Variants in UBXN4 observed in about 807,000 individuals in gnomAD.
The protein encoded by UBXN4 is UBX domain-containing protein 4.
In UBXN4, 35 loss-of-function variants were observed where a neutral mutation model predicts 66.2. That is an observed-to-expected ratio of 0.53 (90% CI 0.40 to 0.70). The LOEUF (loss-of-function observed/expected upper bound fraction) is 0.70. UBXN4 is among the 30% of genes least tolerant of loss of function. The pLI, the probability that UBXN4 is intolerant of heterozygous loss-of-function variation, is 0.00. For missense variants in UBXN4, 533 were observed against 599.8 expected, an observed-to-expected ratio of 0.89 and a Z score of 1.16; for synonymous variants, 203 against 204.5, an observed-to-expected ratio of 0.99 and a Z score of 0.06.
Position 135,780,246 on chromosome 2 carries a change from A to G in UBXN4, c.1249A>G (p.Thr417Ala). The G allele has an allele frequency of 6.2e-7, 1 of 1,614,160 alleles. No individual in the cohort carries two copies. The highest frequency in any genetic ancestry group is 1.1e-5 in the South Asian group (1 of 91,084). ...CGGAGACATTTGGACCTTGTTGGGA[A>G]CAGTGCTTTATCCATTCCTTGCCAT... is the stretch of plus-strand genomic sequence containing the variant. ...SSGDIWTLLG[T>A]VLYPFLAIWR... is the part of the protein sequence containing the mutation. Residue 417 changes from threonine to alanine, a missense_variant, in exon 12 of 13, where the codon ACA (threonine) becomes GCA (alanine). Thr to Ala is a moderately conservative substitution (Grantham distance 58). This residue lies in a region of UBXN4 where 529 missense variants were observed against 580.1 expected (regional missense o/e 0.91). Transcript: ENST00000272638.
intron 2 of UBXN4, among the ~76,000 whole-genome samples, chr2:135,748,663 T>A (rs942498707): frequency 2.7e-5 from 4 of 150,918 alleles, no homozygotes; most frequent in Middle Eastern, 3.4e-3. Flanking sequence ...AGACTGGGGC[T>A]ACAGTGAGCT....
At chr2:135,755,438 A>G (rs766177604) in intron 4 of UBXN4, 79 bp from the exon 5 acceptor site, 1 of 1,120,366 alleles carries the variant, frequency 8.9e-7, no homozygotes, top group Non-Finnish European at 1.2e-6. Flanking sequence ...GTATAAATCA[A>G]CCTGTATTTT....
chr2:135,770,682 G>C lies in UBXN4; in HGVS notation c.769G>C (p.Glu257Gln). The change falls in exon 8 of 13, where the codon GAG (glutamate) becomes CAG (glutamine). Residue 257 changes from glutamate (E) to glutamine (Q), a missense_variant. Glu to Gln is a conservative substitution (Grantham distance 29). Around this residue, in one of 2 missense-constraint regions of UBXN4, gnomAD observed 529 missense variants for 580.1 expected, o/e 0.91. Coordinates refer to ENST00000272638, the MANE Select transcript of UBXN4 (RefSeq NM_014607.4). ...AAGAATGCTGGAGGAAAGAAACAGAGAGAAAGCAGAAGATAGGGCAGCTCG... is the reference window on the plus strand; with the variant it reads ...AAGAATGCTGGAGGAAAGAAACAGACAGAAAGCAGAAGATAGGGCAGCTCG... ...TKRMLEERNR[E>Q]KAEDRAARER... The C allele has an allele frequency of 1.3e-6, 2 of 1,577,722 alleles. No homozygotes were observed. The highest frequency in any genetic ancestry group is 1.7e-6 in the Non-Finnish European group (2 of 1,169,948).
intron 5 of UBXN4, among the ~76,000 whole-genome samples, chr2:135,756,219 G>A (rs1371185256): frequency 6.6e-6 from 1 of 152,140 alleles, no homozygotes; most frequent in East Asian, 1.9e-4. Flanking sequence ...GGTTGGAGTT[G>A]TTTGGTGTAA....
chr2:135,762,493 A>G (rs1021003425), intron 6 of UBXN4, among the ~76,000 whole-genome samples: 1 of 152,224 alleles, frequency 6.6e-6, no homozygotes, highest in Non-Finnish European at 1.5e-5. Context: ...AGTTATATGG[A>G]AGTTTAAAAA....
chr2:135,769,918 T>C, intron 7 of UBXN4, 95 bp downstream of exon 7: 2 of 1,031,096 alleles, frequency 1.9e-6, no homozygotes, highest in South Asian at 4.0e-5. Context: ...GGTGACTTCA[T>C]AGTTTTAGTT....
At chr2:135,772,186 G>T (rs894094699) in intron 8 of UBXN4, among the ~76,000 whole-genome samples, 5 of 152,074 alleles carry the variant, frequency 3.3e-5, no homozygotes, top group African/African-American at 1.2e-4. Flanking sequence ...GCTGGGCATG[G>T]TGGCACACAC....
At position 135,767,892 on chromosome 2, in the gene UBXN4, CAT is replaced by C. The variant is rs1448141030; in HGVS notation, c.603-1876_603-1875del. ...ATGTCACAGATGCTTTTTTTTCTCT[CAT>C]GTGTTACTATCCATTTCTCTATTCT... On this transcript the variant is annotated intron_variant, in intron 6 of 12. Coordinates refer to ENST00000272638, the MANE Select transcript of UBXN4 (RefSeq NM_014607.4). 3.9e-5 allele frequency among the ~76,000 whole-genome samples: 6 copies of C among 151,994 alleles called. No individual in the cohort carries two copies. The East Asian group carries it at 5.8e-4, about 15-fold the overall frequency.
At chr2:135,770,161 T>A (rs1483465519) in intron 7 of UBXN4, among the ~76,000 whole-genome samples, 1 of 152,202 alleles carries the variant, frequency 6.6e-6, no homozygotes, top group Non-Finnish European at 1.5e-5. Context: ...TTTTGCTGAA[T>A]TTTTCCTCTC....
At chr2:135,779,122 C>G (rs2077435412) in intron 11 of UBXN4, 43 bp downstream of exon 11, 2 of 1,536,966 alleles carry the variant, frequency 1.3e-6, no homozygotes, top group African/African-American at 2.8e-5. Flanking sequence ...TTATTGTTTT[C>G]TGTTTATCAT....
At chr2:135,744,131 C>G (rs2077193464) in intron 1 of UBXN4, among the ~76,000 whole-genome samples, 1 of 152,186 alleles carries the variant, frequency 6.6e-6, no homozygotes, top group Admixed American at 6.5e-5. Flanking sequence ...TTGCTTAGAG[C>G]TTTCTTCATA....
chr2:135,749,848 C>A (rs1340513743), intron 2 of UBXN4, among the ~76,000 whole-genome samples: 1 of 152,224 alleles, frequency 6.6e-6, no homozygotes, highest in Non-Finnish European at 1.5e-5. Context: ...TCTCCTCCAA[C>A]TCCCCTGCTC....
chr2:135,751,439 C>T (rs189794824), intron 2 of UBXN4, among the ~76,000 whole-genome samples: 36 of 151,724 alleles, frequency 2.4e-4, no homozygotes, highest in Middle Eastern at 3.4e-3. Flanking sequence ...CCACCTGCCC[C>T]GGCCTCCCAA....
At chr2:135,776,668 C>T (rs2077416878) in intron 10 of UBXN4, among the ~76,000 whole-genome samples, 1 of 152,184 alleles carries the variant, frequency 6.6e-6, no homozygotes, top group South Asian at 2.1e-4. Context: ...ATCACAGCTC[C>T]CTGCAGCCTC....
In UBXN4 at chr2:135,778,119, G is replaced by T. The variant is rs534825280; in HGVS notation, c.1054-829G>T. Among the ~76,000 whole-genome samples, 28 of 149,104 alleles carry T rather than the reference G, an allele frequency of 1.9e-4. 1 individual carries two copies. In the South Asian group the frequency reaches 5.3e-3, roughly 28 times the overall value. ...GTGAACCCGGGAGGTGGAGCTTGCA[G>T]TGAGCCAAGATCGCGCCACTGCACT... On this transcript the variant is annotated intron_variant, in intron 10 of 12. Coordinates refer to ENST00000272638, the MANE Select transcript of UBXN4 (RefSeq NM_014607.4).
chr2:135,754,316 G>A lies in UBXN4; in HGVS notation c.333+39G>A, dbSNP rs74265494. On this transcript the variant is annotated intron_variant, in intron 4 of 12. Coordinates refer to ENST00000272638, the MANE Select transcript of UBXN4 (RefSeq NM_014607.4). ...GAACTGTTGTTTCCGTAAATGGTAC[G>A]TCAGGAATTGGATTTTTTTTTTTGA... The A allele has an allele frequency of 7.3e-3, 11,140 of 1,516,590 alleles. 717 individuals are homozygous for A. The East Asian group carries it at 0.17, about 23-fold the overall frequency. The allele number at this position is 1,516,590 out of a possible 1,614,324, so 93.9% of individuals were successfully genotyped here.
At chr2:135,746,808 C>T (rs2077209555) in intron 1 of UBXN4, among the ~76,000 whole-genome samples, 1 of 151,992 alleles carries the variant, frequency 6.6e-6, no homozygotes. Context: ...TTCAAGCGCC[C>T]TGTAAGGACT....
intron 3 of UBXN4, 173 bp from the exon 4 acceptor site, chr2:135,753,986 T>C: frequency 5.4e-6 from 3 of 554,086 alleles, no homozygotes; most frequent in East Asian, 3.2e-5. Flanking sequence ...AATTAACATG[T>C]CACATGTATT....
chr2:135,769,472 A>G (rs947025782), intron 6 of UBXN4, among the ~76,000 whole-genome samples: 6 of 150,554 alleles, frequency 4.0e-5, no homozygotes, highest in African/African-American at 1.5e-4. Flanking sequence ...TGATTTATGT[A>G]TTTGTTTGAA....
Sources: gnomAD v4.1 joint callset for allele counts (sites outside exome capture counted in the v4.1 genomes callset) on GRCh38, gnomAD v4.1.1 for gene constraint, gnomAD v4.1.1 regional missense constraint, MANE v1.5 for transcripts, NCBI Gene and HGNC (gene_info 2026-07-23, HGNC 2026-07-21) for gene names.